Variants in ABLIM1 observed in about 807,000 individuals in gnomAD.
The protein encoded by ABLIM1 is actin binding LIM protein 1, also known as actin-binding LIM protein 1.
In ABLIM1, 40 loss-of-function variants were observed where a neutral mutation model predicts 107.0. The ratio of observed to expected loss-of-function variants is 0.37; its 90% CI spans 0.29 to 0.49. The LOEUF is 0.49. Among genes scored for constraint, ABLIM1 ranks in the 20% least tolerant of loss-of-function variants. The pLI is 0.97. For missense variants in ABLIM1, 857 were observed against 1,008.5 expected (o/e 0.85, Z 2.04); for synonymous variants, 357 against 357.3 (o/e 1.00, Z 0.01).
upstream of ABLIM1, among the ~76,000 whole-genome samples, chr10:114,688,540 C>T (rs1159034935): frequency 1.3e-5 from 2 of 152,150 alleles, no homozygotes; most frequent in African/African-American, 4.8e-5. Flanking sequence ...TCACATTGAC[C>T]GAGGGCTCAC....
the ABLIM1 span, among the ~76,000 whole-genome samples, chr10:114,787,985 A>T: frequency 2.8e-5 from 4 of 144,184 alleles, no homozygotes; most frequent in East Asian, 8.2e-4. Flanking sequence ...TTCTGTACTA[A>T]GAAAAATTCT....
intron 1 of ABLIM1, among the ~76,000 whole-genome samples, chr10:114,754,531 T>C (rs1355199283): frequency 1.3e-5 from 2 of 151,960 alleles, no homozygotes; most frequent in Non-Finnish European, 2.9e-5. Flanking sequence ...TGGGAAGAAA[T>C]TTAGTTATCA....
chr10:114,781,479 G>T, the ABLIM1 span, among the ~76,000 whole-genome samples: 2 of 151,812 alleles, frequency 1.3e-5, no homozygotes, highest in African/African-American at 4.8e-5. Flanking sequence ...ACCCCAGCCT[G>T]GGTGATGGAG....
chr10:114,687,608 A>T (rs774500133), upstream of ABLIM1, among the ~76,000 whole-genome samples: 22 of 152,190 alleles, frequency 1.4e-4, no homozygotes, highest in Non-Finnish European at 2.9e-4. Context: ...TTATGTTAAA[A>T]GACCTCGCCT....
intron 5 of ABLIM1, among the ~76,000 whole-genome samples, chr10:114,545,887 C>T (rs2067258425): frequency 6.8e-6 from 1 of 147,118 alleles, no homozygotes; most frequent in Admixed American, 6.8e-5. Context: ...GCCAAGATCG[C>T]ACCATTGCAT....
intron 2 of ABLIM1, among the ~76,000 whole-genome samples, chr10:114,591,376 G>A (rs2497658): frequency 0.7 from 106,198 of 152,068 alleles, 37,569 homozygotes; most frequent in Middle Eastern, 0.78. Context: ...AAAAAGACAA[G>A]TATATACCAC....
intron 8 of ABLIM1, among the ~76,000 whole-genome samples, chr10:114,474,359 C>A (rs1199145893): frequency 6.6e-6 from 1 of 151,186 alleles, no homozygotes; most frequent in African/African-American, 2.4e-5. Context: ...ATCAAATCCA[C>A]CTGGCAGGCA....
chr10:114,684,854 T>C (rs930705854), exon 1 of ABLIM1: 6 of 426,034 alleles, frequency 1.4e-5, no homozygotes, highest in Non-Finnish European at 1.9e-5. Flanking sequence ...TTTTCCTTAA[T>C]GAATTACTAT....
intron 4 of ABLIM1, among the ~76,000 whole-genome samples, chr10:114,559,647 C>T (rs768052058): frequency 1.2e-4 from 18 of 152,114 alleles, no homozygotes; most frequent in Non-Finnish European, 2.4e-4. Flanking sequence ...GAGCAGTTCT[C>T]CCTTCTGCTT....
chr10:114,674,271 CAG>C lies in ABLIM1; in HGVS notation c.64+10017_64+10018del, dbSNP rs1444607978. On this transcript the variant is annotated intron_variant, in intron 1 of 23. Transcript: ENST00000369256. ...TGCCACTGCATTCCAGCCTGGGCCA[CAG>C]AGCGAGACTCTGTCACAAAAAAAAA... Among the ~76,000 whole-genome samples, 3 of 127,878 alleles carry C rather than the reference CAG, an allele frequency of 2.3e-5. No individual in the cohort carries two copies. In the Admixed American group the frequency reaches 2.7e-4, roughly 12 times the overall value. 83.9% of individuals were successfully genotyped at this position (127,878 alleles called of 152,430 possible). A position where few individuals can be genotyped will look rare whatever the true frequency, so the allele number is the denominator to read the frequency against.
At chr10:114,738,907 T>C (rs1321172068) in intron 1 of ABLIM1, among the ~76,000 whole-genome samples, 1 of 152,146 alleles carries the variant, frequency 6.6e-6, no homozygotes, top group East Asian at 1.9e-4. Flanking sequence ...ATGATTCCCT[T>C]CAAATGATAG....
chr10:114,729,718 T>A (rs1171173509), intron 1 of ABLIM1, among the ~76,000 whole-genome samples: 1 of 152,124 alleles, frequency 6.6e-6, no homozygotes, highest in Admixed American at 6.5e-5. Flanking sequence ...TACTGAAGTT[T>A]GCTAGGCAAA....
chr10:114,617,421 T>C (rs2077197881), intron 1 of ABLIM1, among the ~76,000 whole-genome samples: 2 of 151,866 alleles, frequency 1.3e-5, no homozygotes, highest in East Asian at 3.9e-4. Context: ...GCCAACACGT[T>C]TGGCTAATTT....
At chr10:114,581,901 A>T (rs539313177) in intron 2 of ABLIM1, among the ~76,000 whole-genome samples, 1 of 152,232 alleles carries the variant, frequency 6.6e-6, no homozygotes, top group South Asian at 2.1e-4. Context: ...TCTAAGACAA[A>T]CTCACAGCCA....
At chr10:114,490,953 G>C (rs1459134826) in intron 7 of ABLIM1, among the ~76,000 whole-genome samples, 1 of 146,328 alleles carries the variant, frequency 6.8e-6, no homozygotes, top group East Asian at 2.0e-4. Context: ...ACAGGTGTGA[G>C]CCACCACGCC....
At chr10:114,485,260 C>G (rs1565535987) in intron 8 of ABLIM1, 7 of 1,536,776 alleles carry the variant, frequency 4.6e-6, no homozygotes, top group Non-Finnish European at 6.2e-6. Flanking sequence ...GGGCCCAGGA[C>G]AGTGGCTTCG....
intron 1 of ABLIM1, among the ~76,000 whole-genome samples, chr10:114,765,315 G>C (rs909127855): frequency 2.0e-5 from 3 of 151,438 alleles, no homozygotes; most frequent in Non-Finnish European, 4.4e-5. Context: ...AAAGTGACAG[G>C]ATTACATACA....
At chr10:114,692,077 T>C (rs1451018952) in intron 1 of ABLIM1, among the ~76,000 whole-genome samples, 1 of 152,202 alleles carries the variant, frequency 6.6e-6, no homozygotes, top group African/African-American at 2.4e-5. Context: ...GAAGAGAAAA[T>C]ATGCCATATT....
rs17092369 is a variant in ABLIM1 at position 114,735,075 on chromosome 10, T to A, written c.-213+32986A>T. ...TTTCTCTACCATGTACAAAATGCAA[T>A]TCTAGGCACTTCAAAGGTTTACAAA... On this transcript the variant is annotated intron_variant, in intron 1 of 15. Transcript: ENST00000651092. Among the ~76,000 whole-genome samples the A allele has an allele frequency of 1.2e-3, 182 of 151,458 alleles. 2 individuals are homozygous for A. The East Asian group carries it at 0.032, about 26-fold the overall frequency.
Sources: allele counts gnomAD v4.1 joint callset (sites outside exome capture counted in the v4.1 genomes callset), GRCh38; gene constraint gnomAD v4.1.1; transcripts MANE v1.5; gene names NCBI Gene and HGNC (gene_info 2026-07-23, HGNC 2026-07-21).